Variants in DLGAP2 observed in about 807,000 individuals in gnomAD.
DLGAP2 encodes DLG associated protein 2.
In DLGAP2, 26 loss-of-function variants were observed where a neutral mutation model predicts 100.3. The observed-to-expected ratio is 0.26, with a 90% CI of 0.19 to 0.36. The LOEUF is 0.36. Among genes scored for constraint, DLGAP2 ranks in the 10% least tolerant of loss-of-function variants. DLGAP2 has a pLI of 1.00. For synonymous variants in DLGAP2, 886 were observed against 630.1 expected, an observed-to-expected ratio of 1.41 and a Z score of -6.08; for missense variants, 1,858 against 1,453.2, an observed-to-expected ratio of 1.28 and a Z score of -4.53.
rs541240978 is a variant in DLGAP2 at position 961,351 on chromosome 8, C to T, written c.73+53385C>T. ...TATTTTCAGGCTTGGATCCAAGAACCGTCCAGTTTGACTCCACACAATTTT... is the reference window on the plus strand; with the variant it reads ...TATTTTCAGGCTTGGATCCAAGAACTGTCCAGTTTGACTCCACACAATTTT... On this transcript the variant is annotated intron_variant, in intron 2 of 14. Transcript: ENST00000637795. Among the ~76,000 whole-genome samples, 7 of 150,544 alleles carry T rather than the reference C, an allele frequency of 4.6e-5. No individual in the cohort carries two copies. The South Asian group carries it at 1.5e-3, about 31-fold the overall frequency.
chr8:1,212,302 A>G (rs1798121932), intron 2 of DLGAP2, among the ~76,000 whole-genome samples: 2 of 152,194 alleles, frequency 1.3e-5, no homozygotes, highest in African/African-American at 4.8e-5. Context: ...GTTCTAAGGG[A>G]AGAAAACATT....
chr8:1,485,434 G>C (rs1043159658), intron 3 of DLGAP2, among the ~76,000 whole-genome samples: 5 of 152,262 alleles, frequency 3.3e-5, no homozygotes, highest in African/African-American at 9.6e-5. Context: ...CAAGTGCCAT[G>C]AGGCTTCACA....
intron 1 of DLGAP2, among the ~76,000 whole-genome samples, chr8:889,994 G>C (rs1798001614): frequency 6.6e-6 from 1 of 152,076 alleles, no homozygotes; most frequent in Admixed American, 6.6e-5. Context: ...CCTTGGCTGG[G>C]GGAAGGGACT....
chr8:1,084,951 T>A (rs1803926862), intron 2 of DLGAP2, among the ~76,000 whole-genome samples: 1 of 152,218 alleles, frequency 6.6e-6, no homozygotes, highest in African/African-American at 2.4e-5. Flanking sequence ...CGTACTGTTC[T>A]CCAGAGTGAC....
At chr8:1,418,766 C>G (rs967507965) in intron 3 of DLGAP2, among the ~76,000 whole-genome samples, 3 of 152,214 alleles carry the variant, frequency 2.0e-5, no homozygotes, top group African/African-American at 7.2e-5. Context: ...TAATTCATTG[C>G]TGTCCTGACC....
At position 829,584 on chromosome 8, in the gene DLGAP2, GA is replaced by G. The variant is rs745312777; in HGVS notation, c.19-78325del. 4.5e-3 allele frequency among the ~76,000 whole-genome samples: 689 copies of G among 152,282 alleles called. 1 individual carries two copies. The highest frequency in any genetic ancestry group is 7.4e-3 in the Non-Finnish European group (501 of 68,030). On this transcript the variant is annotated intron_variant, in intron 1 of 14. Coordinates refer to ENST00000637795, the MANE Select transcript of DLGAP2 (RefSeq NM_001346810.2). The stretch of plus-strand genomic sequence containing the variant: ...AATCTTATTCAGAGCTTTGCTTCTA[GA>G]AATCGTGAAAACTATAAATTATTTT...
At chr8:787,084 T>C (rs11782578) in intron 1 of DLGAP2, among the ~76,000 whole-genome samples, 35,089 of 152,160 alleles carry the variant, frequency 0.23, 4,833 homozygotes, top group Admixed American at 0.41. Flanking sequence ...TGGAATATTA[T>C]TCTAGGTAAA....
intron 3 of DLGAP2, among the ~76,000 whole-genome samples, chr8:1,364,371 G>T (rs150282602): frequency 2.0e-5 from 3 of 152,110 alleles, no homozygotes; most frequent in Non-Finnish European, 2.9e-5. Flanking sequence ...GGGCTGCCAC[G>T]TGCGGAATGA....
intron 6 of DLGAP2, among the ~76,000 whole-genome samples, chr8:1,595,386 G>A (rs936631791): frequency 1.1e-4 from 16 of 152,066 alleles, no homozygotes; most frequent in East Asian, 3.9e-4. Flanking sequence ...TAGGTCGGCC[G>A]GGCGCGGTGG....
At chr8:791,501 A>G (rs552323242) in intron 1 of DLGAP2, among the ~76,000 whole-genome samples, 1 of 152,250 alleles carries the variant, frequency 6.6e-6, no homozygotes, top group African/African-American at 2.4e-5. Flanking sequence ...AACTGGATCT[A>G]ATAAGTCTCT....
chr8:1,584,773 G>C (rs1796066101), intron 6 of DLGAP2, among the ~76,000 whole-genome samples: 1 of 152,176 alleles, frequency 6.6e-6, no homozygotes, highest in African/African-American at 2.4e-5. Flanking sequence ...CCAACAGGCA[G>C]CCATGAAGAA....
rs116406622 is a variant in DLGAP2, at chr8:1,497,100, A to G, written c.107-4266A>G. ...ACGTTCTGCCAGAGGGACCCTAAGC[A>G]AGGGGTCTGAGTGAGGAAGCCCCAC... On this transcript the variant is annotated intron_variant, in intron 3 of 14. Coordinates refer to ENST00000637795, the MANE Select transcript of DLGAP2 (RefSeq NM_001346810.2). Among the ~76,000 whole-genome samples, 1,106 of 152,314 alleles carry G rather than the reference A, an allele frequency of 7.3e-3. 15 individuals are homozygous for G. The highest frequency in any genetic ancestry group is 0.025 in the African/African-American group (1,031 of 41,554).
chr8:1,119,590 T>G (rs1049328791), intron 2 of DLGAP2, among the ~76,000 whole-genome samples: 2 of 152,224 alleles, frequency 1.3e-5, no homozygotes, highest in Non-Finnish European at 2.9e-5. Context: ...CTGGGTGCCG[T>G]GCCTGGAACT....
At chr8:983,589 G>T (rs1029619610) in intron 2 of DLGAP2, among the ~76,000 whole-genome samples, 1 of 152,168 alleles carries the variant, frequency 6.6e-6, no homozygotes, top group Non-Finnish European at 1.5e-5. Context: ...TTACTCATTT[G>T]TTAATTGGGT....
intron 2 of DLGAP2, among the ~76,000 whole-genome samples, chr8:1,255,031 C>CATCCTGTCCGG (rs1799153960): frequency 1.5e-5 from 2 of 131,228 alleles, no homozygotes; most frequent in African/African-American, 5.7e-5. Flanking sequence ...TGTGTCTTCT[C>CATCCTGTCCGG]CTGCCCAGCC....
intron 2 of DLGAP2, chr8:1,019,034 G>A (rs1163579409): frequency 6.6e-6 from 1 of 152,212 alleles, no homozygotes; most frequent in Non-Finnish European, 1.5e-5. Flanking sequence ...GGCAGCGACT[G>A]AGAAGGTCAG....
chr8:1,366,252 G>A (rs985260107), intron 3 of DLGAP2, among the ~76,000 whole-genome samples: 65 of 152,240 alleles, frequency 4.3e-4, no homozygotes, highest in African/African-American at 1.4e-3. Flanking sequence ...CCTTCATAAA[G>A]TAAACATTTA....
chr8:1,497,865 C>G (rs746305368), intron 3 of DLGAP2, among the ~76,000 whole-genome samples: 6 of 152,202 alleles, frequency 3.9e-5, no homozygotes, highest in African/African-American at 7.2e-5. Context: ...AAGAGTTGAA[C>G]TCTGTAAAGT....
chr8:1,699,272 C>T (rs1799502221), intron 14 of DLGAP2, among the ~76,000 whole-genome samples: 1 of 152,042 alleles, frequency 6.6e-6, no homozygotes. Context: ...GATATCAAGA[C>T]CATCCTGGCT....
Sources: gnomAD v4.1 joint callset for allele counts (sites outside exome capture counted in the v4.1 genomes callset) on GRCh38, gnomAD v4.1.1 for gene constraint, MANE v1.5 for transcripts, NCBI Gene and HGNC (gene_info 2026-07-23, HGNC 2026-07-21) for gene names.